Variants in TMCO4 observed in about 807,000 individuals in gnomAD.
The protein encoded by TMCO4 is transmembrane and coiled-coil domain-containing protein 4.
TMCO4 carries 58 observed loss-of-function variants against 64.7 expected under a neutral mutation model. That is an observed-to-expected ratio of 0.90 (90% CI 0.73 to 1.12). TMCO4 has a LOEUF of 1.12. Ranked by LOEUF, TMCO4 falls within the 50% of genes most tolerant of loss-of-function variation. The pLI is 0.00. For synonymous variants in TMCO4, 325 were observed against 346.1 expected (o/e 0.94, Z 0.68); for missense variants, 780 against 825.9 (o/e 0.94, Z 0.68).
chr1:19,754,302 C>T (rs553578356), intron 7 of TMCO4, among the ~76,000 whole-genome samples: 1 of 152,194 alleles, frequency 6.6e-6, no homozygotes, highest in Admixed American at 6.5e-5. Context: ...TATAAATTCC[C>T]GACATATCCA....
intron 7 of TMCO4, among the ~76,000 whole-genome samples, chr1:19,750,974 A>C (rs769908399): frequency 3.9e-5 from 6 of 152,232 alleles, no homozygotes; most frequent in Non-Finnish European, 7.3e-5. Flanking sequence ...CTTGTTAAAA[A>C]CACAGCTTCC....
intron 1 of TMCO4, among the ~76,000 whole-genome samples, chr1:19,798,418 C>T (rs2044440507): frequency 6.6e-6 from 1 of 152,188 alleles, no homozygotes; most frequent in Admixed American, 6.5e-5. Flanking sequence ...CTATGACAAC[C>T]TAATCGATGA....
At chr1:19,794,598 C>A (rs1056519547) in intron 2 of TMCO4, among the ~76,000 whole-genome samples, 6 of 152,210 alleles carry the variant, frequency 3.9e-5, no homozygotes, top group African/African-American at 7.2e-5. Context: ...CCCCTCAATA[C>A]CCCACCTTCA....
At chr1:19,700,629 GGGCCGGT>G (rs2095265565) in intron 14 of TMCO4, 132 bp downstream of exon 14, 1 of 794,484 alleles carries the variant, frequency 1.3e-6, no homozygotes, top group Non-Finnish European at 2.1e-6. Context: ...GCTCCTAACA[GGGCCGGT>G]GCCCGGCCGG....
chr1:19,705,988 C>G (rs2095301376), intron 13 of TMCO4, among the ~76,000 whole-genome samples: 2 of 152,070 alleles, frequency 1.3e-5, no homozygotes, highest in African/African-American at 4.8e-5. Context: ...GCAGCCTCGA[C>G]CTCACAGGCT....
At chr1:19,773,233 CACT>C (rs970420185) in intron 4 of TMCO4, among the ~76,000 whole-genome samples, 17 of 152,226 alleles carry the variant, frequency 1.1e-4, no homozygotes, top group South Asian at 6.2e-4. Context: ...CCGGCCTCAC[CACT>C]GTTACGGTCG....
intron 4 of TMCO4, among the ~76,000 whole-genome samples, chr1:19,777,058 A>AACAGC (rs2043241525): frequency 6.6e-6 from 1 of 151,652 alleles, no homozygotes; most frequent in African/African-American, 2.4e-5. Context: ...AAGAAAAGAA[A>AACAGC]ACAGCAAAAG....
At chr1:19,723,808 ATC>A (rs2095396758) in intron 13 of TMCO4, among the ~76,000 whole-genome samples, 2 of 151,938 alleles carry the variant, frequency 1.3e-5, no homozygotes, top group Non-Finnish European at 2.9e-5. Context: ...CTGGTGGCCA[ATC>A]TGTGAGAGGA....
At chr1:19,758,604 G>C (rs969692944) in intron 6 of TMCO4, among the ~76,000 whole-genome samples, 2 of 152,150 alleles carry the variant, frequency 1.3e-5, no homozygotes, top group African/African-American at 4.8e-5. Flanking sequence ...TTGGTGGCAG[G>C]GATGCTGGTC....
At chr1:19,742,106 G>A (rs963948842) in intron 10 of TMCO4, among the ~76,000 whole-genome samples, 9 of 152,124 alleles carry the variant, frequency 5.9e-5, no homozygotes, top group East Asian at 1.9e-4. Context: ...CTCCCAGATC[G>A]TACATCAGTT....
chr1:19,722,445 G>A (rs553952733), intron 13 of TMCO4, among the ~76,000 whole-genome samples: 3 of 152,250 alleles, frequency 2.0e-5, no homozygotes, highest in East Asian at 1.9e-4. Context: ...GCTTAGATGC[G>A]CTATTTTATT....
chr1:19,762,098 G>A (rs952966890), intron 6 of TMCO4, among the ~76,000 whole-genome samples: 1 of 152,204 alleles, frequency 6.6e-6, no homozygotes, highest in Non-Finnish European at 1.5e-5. Flanking sequence ...CTGGAGCTTG[G>A]ATTATAATCC....
intron 2 of TMCO4, among the ~76,000 whole-genome samples, chr1:19,796,453 G>A (rs979685255): frequency 6.6e-6 from 1 of 152,132 alleles, no homozygotes; most frequent in African/African-American, 2.4e-5. Flanking sequence ...GAGGGTCAGG[G>A]TGAGAGTGGA....
At chr1:19,715,371 G>C (rs2095350781) in intron 13 of TMCO4, among the ~76,000 whole-genome samples, 1 of 152,156 alleles carries the variant, frequency 6.6e-6, no homozygotes, top group Non-Finnish European at 1.5e-5. Flanking sequence ...AGCCTCCCAA[G>C]TTGCTGGGAT....
At chr1:19,702,494 CT>C (rs1371855341) in intron 13 of TMCO4, among the ~76,000 whole-genome samples, 5 of 152,064 alleles carry the variant, frequency 3.3e-5, no homozygotes, top group African/African-American at 1.2e-4. Context: ...ATTTGGGAGG[CT>C]GAGGCGCGAA....
At chr1:19,794,138 CTT>C (rs1259711613) in intron 2 of TMCO4, among the ~76,000 whole-genome samples, 3 of 152,260 alleles carry the variant, frequency 2.0e-5, no homozygotes, top group Non-Finnish European at 4.4e-5. Flanking sequence ...CTCACACAGA[CTT>C]TGCATTGGCC....
chr1:19,697,879 G>C (rs934871286), intron 14 of TMCO4, among the ~76,000 whole-genome samples: 5 of 151,530 alleles, frequency 3.3e-5, no homozygotes, highest in Non-Finnish European at 7.4e-5. Flanking sequence ...CTCCCAAAGT[G>C]CTGGGATTAC....
intron 13 of TMCO4, among the ~76,000 whole-genome samples, chr1:19,705,420 C>CA (rs1362359736): frequency 1.3e-5 from 2 of 151,610 alleles, no homozygotes; most frequent in African/African-American, 2.4e-5. Flanking sequence ...CACTGCACTC[C>CA]AGCCTGGGCG....
chr1:19,789,023 C>T (rs956746041), intron 2 of TMCO4, among the ~76,000 whole-genome samples: 2 of 149,650 alleles, frequency 1.3e-5, no homozygotes, highest in African/African-American at 2.5e-5. Context: ...TGCAGTGAGC[C>T]GAGATCGCAT....
Sources: allele counts gnomAD v4.1 joint callset (sites outside exome capture counted in the v4.1 genomes callset), GRCh38; gene constraint gnomAD v4.1.1; transcripts MANE v1.5; gene names NCBI Gene and HGNC (gene_info 2026-07-23, HGNC 2026-07-21).